Variants in AZIN2 observed in about 807,000 individuals in gnomAD.
The protein encoded by AZIN2 is antizyme inhibitor 2.
In AZIN2, 28 loss-of-function variants were observed where a neutral mutation model predicts 47.8. That is an observed-to-expected ratio of 0.59 (90% CI 0.43 to 0.80). The LOEUF is 0.80. Among genes scored for constraint, AZIN2 ranks in the 30% least tolerant of loss-of-function variants. The pLI, the probability that AZIN2 is intolerant of heterozygous loss-of-function variation, is 0.00. For synonymous variants in AZIN2, 221 were observed against 239.4 expected (o/e 0.92, Z 0.71); for missense variants, 535 against 582.5 (o/e 0.92, Z 0.84).
intron 10 of AZIN2, among the ~76,000 whole-genome samples, chr1:33,106,214 A>G (rs556716459): frequency 2.0e-5 from 3 of 152,344 alleles, no homozygotes; most frequent in Non-Finnish European, 2.9e-5. Flanking sequence ...CAAAGACTCA[A>G]TCATGAAGAA....
At chr1:33,083,878 T>G (rs1221321947) in intron 4 of AZIN2, 76 bp from the exon 5 acceptor site, 1 of 1,572,604 alleles carries the variant, frequency 6.4e-7, no homozygotes, top group Non-Finnish European at 8.7e-7. Context: ...GGTCAGGTAC[T>G]TGGAAGGATC....
the AZIN2 span, among the ~76,000 whole-genome samples, chr1:33,161,383 T>C: frequency 6.6e-6 from 1 of 152,044 alleles, no homozygotes; most frequent in Non-Finnish European, 1.5e-5. The surrounding 1 kb of genome is among the most constrained non-coding windows in gnomAD (Gnocchi z 4.3). Flanking sequence ...GGCCTGCCTC[T>C]GCAATTTTAC....
Position 33,082,236 on chromosome 1 carries a change from T to A in AZIN2, c.-14T>A. The A allele has an allele frequency of 1.2e-6, 2 of 1,610,516 alleles. No individual in the cohort carries two copies. Among genetic ancestry groups the A allele is most frequent in the Non-Finnish European group, 1.7e-6 (2 of 1,176,944 alleles). ...CAGCGGCTCCATCCAGCCCGTCAGC[T>A]CCTCCTGCAAGGCATGGCTGGCTAC... is the stretch of plus-strand genomic sequence containing the variant. On this transcript the variant is annotated 5_prime_UTR_variant, in exon 4 of 12. Transcript: ENST00000294517.
At chr1:33,101,810 G>T (rs1344816005) in intron 10 of AZIN2, 3 of 775,096 alleles carry the variant, frequency 3.9e-6, no homozygotes, top group Non-Finnish European at 2.4e-6. Flanking sequence ...ACCTGTTTGG[G>T]CTTTTTCTCC....
At chr1:33,129,606 ACT>A in the AZIN2 span, among the ~76,000 whole-genome samples, 1 of 152,110 alleles carries the variant, frequency 6.6e-6, no homozygotes, top group African/African-American at 2.4e-5. This position sits in a 1 kb window ranked among gnomAD's most constrained non-coding sequence, Gnocchi z 4.1. Flanking sequence ...AATATGTATG[ACT>A]CTTTTGTGTA....
chr1:33,082,156 T>C lies in AZIN2; in HGVS notation c.-72-22T>C, dbSNP rs370305556. 117 of 1,086,482 alleles carry C rather than the reference T, an allele frequency of 1.1e-4. 1 individual carries two copies. In the East Asian group the frequency reaches 1.9e-3, roughly 18 times the overall value. The allele number at this position is 1,086,482 out of a possible 1,614,324, so 67.3% of individuals were successfully genotyped here. A position where few individuals can be genotyped will look rare whatever the true frequency, so the allele number is the denominator to read the frequency against. On this transcript the variant is annotated intron_variant, in intron 3 of 11. Transcript: ENST00000294517. ...CAGAGCCGGCCCCCCAGCGGTTCCC[T>C]TCATCTCCCCTCGCCCCGCAGTGTG...
chr1:33,143,830 T>A, the AZIN2 span, among the ~76,000 whole-genome samples: 1,274 of 152,324 alleles, frequency 8.4e-3, 17 homozygotes, highest in African/African-American at 0.029. Context: ...GGAGACACAG[T>A]AGCAAATGGA....
chr1:33,109,327 CT>C (rs1231170138), intron 10 of AZIN2, among the ~76,000 whole-genome samples: 483 of 137,834 alleles, frequency 3.5e-3, no homozygotes, highest in Admixed American at 3.9e-3. Context: ...TTTTCTTTTT[CT>C]TTTTTTTTTT....
the AZIN2 span, among the ~76,000 whole-genome samples, chr1:33,156,031 C>T: frequency 6.6e-6 from 1 of 152,322 alleles, no homozygotes; most frequent in East Asian, 1.9e-4. Flanking sequence ...GGCTTTGGTG[C>T]CCACTTATTC....
intron 9 of AZIN2, 80 bp from the exon 10 acceptor site, chr1:33,097,987 T>G: frequency 1.9e-6 from 2 of 1,029,122 alleles, no homozygotes; most frequent in Non-Finnish European, 1.5e-6. Context: ...GCTTCCTTAC[T>G]GAGCCCACTG....
the AZIN2 span, among the ~76,000 whole-genome samples, chr1:33,151,932 G>A: frequency 1.3e-5 from 2 of 152,232 alleles, no homozygotes; most frequent in Non-Finnish European, 2.9e-5. Flanking sequence ...CAGAGGCTTC[G>A]AACATGCAGA....
chr1:33,149,173 GAC>G, the AZIN2 span, among the ~76,000 whole-genome samples: 1 of 152,158 alleles, frequency 6.6e-6, no homozygotes, highest in African/African-American at 2.4e-5. Context: ...ATTTATTGGA[GAC>G]AGAGTCTTGC....
At chr1:33,119,818 A>G (rs1485757861) in intron 11 of AZIN2, 5 of 592,404 alleles carry the variant, frequency 8.4e-6, no homozygotes, top group Non-Finnish European at 1.2e-5. Context: ...GATGTCTGGC[A>G]TGTAGTAAAT....
chr1:33,090,756 T>G (rs915916086), intron 5 of AZIN2, among the ~76,000 whole-genome samples: 1 of 152,192 alleles, frequency 6.6e-6, no homozygotes, highest in African/African-American at 2.4e-5. Context: ...CATATATTGT[T>G]ATTAACTATA....
At chr1:33,103,421 G>T (rs1423870144) in intron 10 of AZIN2, among the ~76,000 whole-genome samples, 1 of 152,024 alleles carries the variant, frequency 6.6e-6, no homozygotes, top group East Asian at 1.9e-4. Context: ...CGCCCAGAAT[G>T]CTCTTCCACT....
downstream of AZIN2, among the ~76,000 whole-genome samples, chr1:33,128,129 C>T (rs1644869856): frequency 6.7e-6 from 1 of 148,682 alleles, no homozygotes; most frequent in Non-Finnish European, 1.5e-5. Context: ...TTTGGGAGGC[C>T]GAAGGTGGAA....
chr1:33,093,256 C>G, intron 6 of AZIN2, 26 bp from the exon 7 acceptor site: 1 of 1,612,560 alleles, frequency 6.2e-7, no homozygotes, highest in Non-Finnish European at 8.5e-7. Context: ...GTTTGTCCAG[C>G]AGAGGGGCAC....
chr1:33,114,897 C>A (rs2124652692), intron 10 of AZIN2, among the ~76,000 whole-genome samples: 1 of 152,260 alleles, frequency 6.6e-6, no homozygotes, highest in East Asian at 1.9e-4. Context: ...CCCGTGTCCG[C>A]CTCCTAAAGT....
chr1:33,157,748 GTTTT>G, the AZIN2 span, among the ~76,000 whole-genome samples: 1 of 145,398 alleles, frequency 6.9e-6, no homozygotes, highest in Non-Finnish European at 1.5e-5. Flanking sequence ...CCTATCTCAT[GTTTT>G]TTTTTTTTCT....
Sources: allele counts gnomAD v4.1 joint callset (sites outside exome capture counted in the v4.1 genomes callset), GRCh38; gene constraint gnomAD v4.1.1; non-coding constraint Gnocchi (gnomAD v3.1); transcripts MANE v1.5; gene names NCBI Gene and HGNC (gene_info 2026-07-23, HGNC 2026-07-21).